The following GALNT13 variants were observed in gnomAD, a reference collection of about 807,000 sequenced individuals.
GALNT13 encodes UDP-GalNAc:polypeptide N-acetylgalactosaminyltransferase 13.
In GALNT13, 28 loss-of-function variants were observed where a neutral mutation model predicts 64.2. The ratio of observed to expected loss-of-function variants is 0.44; its 90% CI spans 0.32 to 0.60. The LOEUF (loss-of-function observed/expected upper bound fraction) is 0.60, where lower values mean the gene tolerates loss of function less well. GALNT13 is among the 20% of genes least tolerant of loss of function. The pLI is 0.05. For missense variants in GALNT13, 577 were observed against 669.8 expected (o/e 0.86, Z 1.53); for synonymous variants, 214 against 224.6 (o/e 0.95, Z 0.42).
chr2:153,843,900 A>G, the GALNT13 span, among the ~76,000 whole-genome samples: 5 of 152,168 alleles, frequency 3.3e-5, no homozygotes, highest in South Asian at 8.3e-4. Flanking sequence ...TCCAGAGCAT[A>G]CCAGTGTAAA....
At chr2:154,253,376 T>C (rs1690190909) in intron 7 of GALNT13, among the ~76,000 whole-genome samples, 1 of 152,246 alleles carries the variant, frequency 6.6e-6, no homozygotes, top group Non-Finnish European at 1.5e-5. Flanking sequence ...AAATGTATTC[T>C]GTCACAATTT....
chr2:153,401,022 T>G, the GALNT13 span, among the ~76,000 whole-genome samples: 6 of 151,424 alleles, frequency 4.0e-5, no homozygotes, highest in South Asian at 2.1e-4. Flanking sequence ...GATGTTAGGG[T>G]GTCAATTTTG....
At chr2:153,207,988 A>C in the GALNT13 span, 1 of 152,198 alleles carries the variant, frequency 6.6e-6, no homozygotes, top group Non-Finnish European at 1.5e-5. Flanking sequence ...GGACTAAAAC[A>C]TCCAGGTAAG....
At chr2:153,770,501 C>G in the GALNT13 span, among the ~76,000 whole-genome samples, 8 of 152,192 alleles carry the variant, frequency 5.3e-5, no homozygotes, top group Non-Finnish European at 8.8e-5. Flanking sequence ...CCCAGTGCTA[C>G]GCACTGGTGT....
the GALNT13 span, among the ~76,000 whole-genome samples, chr2:153,165,515 C>T: frequency 6.6e-6 from 1 of 152,190 alleles, no homozygotes; most frequent in Non-Finnish European, 1.5e-5. Flanking sequence ...GCAAATTGGT[C>T]ATGATTAACA....
chr2:153,836,696 C>T, the GALNT13 span, among the ~76,000 whole-genome samples: 1 of 148,066 alleles, frequency 6.8e-6, no homozygotes, highest in Non-Finnish European at 1.5e-5. Flanking sequence ...TGTGATGTTC[C>T]CCTTCCTGTG....
the GALNT13 span, among the ~76,000 whole-genome samples, chr2:153,561,737 T>C: frequency 3.3e-5 from 5 of 151,620 alleles, no homozygotes; most frequent in Middle Eastern, 3.2e-3. Context: ...TTGAAGATGC[T>C]AGGTACATTT....
chr2:154,246,313 G>C (rs1689778739), intron 7 of GALNT13, among the ~76,000 whole-genome samples: 1 of 152,010 alleles, frequency 6.6e-6, no homozygotes, highest in Non-Finnish European at 1.5e-5. Context: ...TTACCTTAAA[G>C]TATAGATTTA....
At chr2:154,236,246 A>T in intron 4 of GALNT13, 1 of 822,584 alleles carries the variant, frequency 1.2e-6, no homozygotes, top group Non-Finnish European at 1.5e-6. Flanking sequence ...ATCATATTTT[A>T]AAATGTTGGC....
the GALNT13 span, among the ~76,000 whole-genome samples, chr2:153,674,523 T>C: frequency 5.3e-5 from 8 of 152,294 alleles, no homozygotes; most frequent in African/African-American, 1.9e-4. Flanking sequence ...ATTGGATGCC[T>C]TCCTTACACC....
chr2:153,927,117 A>G (rs1274141240), intron 2 of GALNT13, among the ~76,000 whole-genome samples: 1 of 152,142 alleles, frequency 6.6e-6, no homozygotes, highest in Non-Finnish European at 1.5e-5. Context: ...TTCAAAGTAT[A>G]TGATAATTTT....
intron 9 of GALNT13, among the ~76,000 whole-genome samples, chr2:154,374,720 C>G (rs1366951412): frequency 6.6e-6 from 1 of 152,060 alleles, no homozygotes; most frequent in East Asian, 1.9e-4. Context: ...GTGTGGCTTC[C>G]CTGATGAAGT....
chr2:153,789,485 A>G, the GALNT13 span, among the ~76,000 whole-genome samples: 1 of 152,128 alleles, frequency 6.6e-6, no homozygotes, highest in Non-Finnish European at 1.5e-5. Flanking sequence ...CCACACCAAA[A>G]AGTCAGGAAG....
intron 2 of GALNT13, among the ~76,000 whole-genome samples, chr2:153,927,795 ATTATTAAATATGT>A (rs1415393272): frequency 2.0e-5 from 3 of 152,072 alleles, no homozygotes; most frequent in African/African-American, 7.2e-5. Flanking sequence ...TCCAAGTCAA[ATTATTAAATATGT>A]TTATATAAGC....
At chr2:153,880,122 C>T (rs1407304162) in intron 1 of GALNT13, among the ~76,000 whole-genome samples, 1 of 152,048 alleles carries the variant, frequency 6.6e-6, no homozygotes, top group African/African-American at 2.4e-5. Context: ...TAATGCTCCT[C>T]ATAAGATCTT....
the GALNT13 span, among the ~76,000 whole-genome samples, chr2:153,214,925 T>C: frequency 6.6e-6 from 1 of 152,040 alleles, no homozygotes; most frequent in South Asian, 2.1e-4. Flanking sequence ...ATCCAAACAG[T>C]ATCCACCAAC....
chr2:153,499,205 A>G, the GALNT13 span, among the ~76,000 whole-genome samples: 1 of 152,146 alleles, frequency 6.6e-6, no homozygotes. Context: ...AGACAACTGG[A>G]GGACGAGCAA....
chr2:153,258,374 C>CAAAAAAA, the GALNT13 span, among the ~76,000 whole-genome samples: 1 of 144,596 alleles, frequency 6.9e-6, no homozygotes, highest in African/African-American at 2.9e-5. Flanking sequence ...CTCCCAAAAA[C>CAAAAAAA]AAAACAAAAC....
chr2:153,357,571 G>A, the GALNT13 span: 2 of 152,076 alleles, frequency 1.3e-5, no homozygotes, highest in Admixed American at 1.3e-4. Context: ...AAACTGTTCT[G>A]GTGTTTGTTT....
Sources: gnomAD v4.1 joint callset for allele counts (sites outside exome capture counted in the v4.1 genomes callset) on GRCh38, gnomAD v4.1.1 for gene constraint, MANE v1.5 for transcripts, NCBI Gene and HGNC (gene_info 2026-07-23, HGNC 2026-07-21) for gene names.